The following ADAMTS16 variants were observed in gnomAD, a reference collection of about 807,000 sequenced individuals.
ADAMTS16 encodes the protein ADAM metallopeptidase with thrombospondin type 1 motif 16.
A neutral mutation model predicts 145.8 loss-of-function variants in ADAMTS16; 94 were observed. The ratio of observed to expected loss-of-function variants is 0.64; its 90% CI spans 0.55 to 0.77. ADAMTS16 has a LOEUF of 0.77. ADAMTS16 is among the 30% of genes least tolerant of loss of function. The probability of loss-of-function intolerance (pLI) is 0.00; values close to 1 mark genes in which losing one functional copy is unlikely to be tolerated. For missense variants in ADAMTS16, 1,585 were observed against 1,591.5 expected (o/e 1.00, Z 0.07); for synonymous variants, 659 against 604.3 (o/e 1.09, Z -1.33).
chr5:5,305,333 CCACA>C (rs775222764), intron 20 of ADAMTS16, among the ~76,000 whole-genome samples: 1 of 49,240 alleles, frequency 2.0e-5, no homozygotes, highest in Non-Finnish European at 4.6e-5. Context: ...CACATCCACA[CCACA>C]CACACACACA....
At chr5:5,177,276 T>A (rs1735223573) in intron 3 of ADAMTS16, among the ~76,000 whole-genome samples, 1 of 152,110 alleles carries the variant, frequency 6.6e-6, no homozygotes, top group African/African-American at 2.4e-5. Context: ...GTAGTTTGAG[T>A]CTATACATAA....
chr5:5,258,151 ATGAT>A (rs1737859736), intron 17 of ADAMTS16, among the ~76,000 whole-genome samples: 1 of 152,186 alleles, frequency 6.6e-6, no homozygotes, highest in African/African-American at 2.4e-5. Flanking sequence ...TGACATCGGA[ATGAT>A]TGATTGAATC....
chr5:5,247,602 G>A (rs1050013304), intron 17 of ADAMTS16, among the ~76,000 whole-genome samples: 11 of 152,182 alleles, frequency 7.2e-5, no homozygotes, highest in South Asian at 2.1e-4. Flanking sequence ...CAGGGGTGCC[G>A]GGGTCCCTCC....
chr5:5,260,086 C>T (rs1027742114), intron 17 of ADAMTS16, among the ~76,000 whole-genome samples: 4 of 152,232 alleles, frequency 2.6e-5, no homozygotes, highest in African/African-American at 9.6e-5. Flanking sequence ...CTTTCTGTTG[C>T]CCCAAGGGAT....
intron 9 of ADAMTS16, among the ~76,000 whole-genome samples, chr5:5,204,633 T>G (rs1451705431): frequency 6.6e-6 from 1 of 152,224 alleles, no homozygotes; most frequent in African/African-American, 2.4e-5. Flanking sequence ...ATGTTGCATA[T>G]AATTTATATA....
At chr5:5,220,747 A>G (rs1000031313) in intron 10 of ADAMTS16, among the ~76,000 whole-genome samples, 1 of 152,080 alleles carries the variant, frequency 6.6e-6, no homozygotes, top group African/African-American at 2.4e-5. Flanking sequence ...TGCTGTCCTC[A>G]TGTGCACAGT....
intron 3 of ADAMTS16, among the ~76,000 whole-genome samples, chr5:5,165,614 C>T (rs73036289): frequency 0.024 from 3,623 of 152,162 alleles, 146 homozygotes; most frequent in African/African-American, 0.083. Context: ...ACAGCAAAAC[C>T]GGTAGGAGAA....
At chr5:5,184,365 G>T (rs1170942519) in intron 4 of ADAMTS16, among the ~76,000 whole-genome samples, 3 of 152,014 alleles carry the variant, frequency 2.0e-5, no homozygotes, top group African/African-American at 7.3e-5. Context: ...TGTACCGCAG[G>T]GCCTCGTGTC....
At chr5:5,193,520 A>G (rs1438333082) in intron 8 of ADAMTS16, among the ~76,000 whole-genome samples, 1 of 152,192 alleles carries the variant, frequency 6.6e-6, no homozygotes, top group East Asian at 1.9e-4. Flanking sequence ...GAAATATTTA[A>G]GTCACTGAGG....
chr5:5,234,401 C>T (rs1579329631), intron 12 of ADAMTS16, among the ~76,000 whole-genome samples: 1 of 152,210 alleles, frequency 6.6e-6, no homozygotes, highest in African/African-American at 2.4e-5. Flanking sequence ...CAGCCCCTCC[C>T]TGTGCAGGGT....
intron 3 of ADAMTS16, among the ~76,000 whole-genome samples, chr5:5,154,681 G>T (rs1734559680): frequency 6.6e-6 from 1 of 152,162 alleles, no homozygotes; most frequent in African/African-American, 2.4e-5. Flanking sequence ...TAGGGTGCGT[G>T]TCTTCAGATT....
At chr5:5,178,846 C>T (rs1039555211) in intron 3 of ADAMTS16, among the ~76,000 whole-genome samples, 2 of 151,736 alleles carry the variant, frequency 1.3e-5, no homozygotes, top group African/African-American at 4.8e-5. Context: ...AGGCCAGGAA[C>T]CAGAAAGAGT....
In ADAMTS16 at chr5:5,310,686, A is replaced by C. The variant is rs1370135576; in HGVS notation, c.3411+3958A>C. Among the ~76,000 whole-genome samples, 1 of 152,198 alleles carries C rather than the reference A, an allele frequency of 6.6e-6. No individual in the cohort carries two copies. The highest frequency in any genetic ancestry group is 1.5e-5 in the Non-Finnish European group (1 of 68,026). On this transcript the variant is annotated intron_variant, in intron 21 of 22. Transcript: ENST00000274181. The surrounding 1 kb of genome is among the most constrained non-coding windows in gnomAD (Gnocchi z 4.3). ...AGCACCACCAGATTCTGCACCAGGC[A>C]TGACGGGCCCTCCCTCAACCTCCAG...
At chr5:5,186,333 T>C (rs1031643557) in intron 5 of ADAMTS16, 82 bp downstream of exon 5, 10 of 1,299,580 alleles carry the variant, frequency 7.7e-6, no homozygotes, top group South Asian at 5.0e-5. Context: ...TGTGTGTGTG[T>C]GTTTCCATTT....
At chr5:5,276,162 C>T (rs1343177382) in intron 18 of ADAMTS16, among the ~76,000 whole-genome samples, 1 of 152,186 alleles carries the variant, frequency 6.6e-6, no homozygotes, top group Non-Finnish European at 1.5e-5. Flanking sequence ...CCCGGCCAAA[C>T]CTATCTTTTC....
At position 5,140,700 on chromosome 5, in the gene ADAMTS16, C is replaced by T; in HGVS notation, c.109C>T (p.Pro37Ser). Residue 37 changes from proline (P) to serine (S), a missense_variant, in exon 2 of 23, where the codon CCT becomes TCT. By Grantham distance (74) the Pro-to-Ser change is moderately conservative. Coordinates refer to ENST00000274181, the MANE Select transcript of ADAMTS16 (RefSeq NM_139056.4). ...ACAMGPAAAAPGSPSVPRPPP... is the reference protein window; with the variant it reads ...ACAMGPAAAASGSPSVPRPPP... ...CGCCATGGGACCCGCAGCGGCAGCG[C>T]CTGGGAGCCCGAGCGTCCCGCGTCC... is the stretch of plus-strand genomic sequence containing the variant. 1.3e-6 allele frequency: 2 copies of T among 1,566,404 alleles called. No individual in the cohort carries two copies. The highest frequency in any genetic ancestry group is 1.2e-5 in the South Asian group (1 of 85,576).
chr5:5,191,604 C>A, intron 7 of ADAMTS16, 81 bp from the exon 8 acceptor site: 1 of 1,177,132 alleles, frequency 8.5e-7, no homozygotes, highest in Non-Finnish European at 1.2e-6. Context: ...CTAAATTTCA[C>A]TAAGGGGTAG....
intron 10 of ADAMTS16, among the ~76,000 whole-genome samples, chr5:5,218,061 A>C (rs1261247367): frequency 1.3e-5 from 2 of 152,230 alleles, no homozygotes; most frequent in East Asian, 3.9e-4. Flanking sequence ...TCTTTGTTCC[A>C]AGAAGACTCT....
At chr5:5,145,175 C>T (rs1379698604) in intron 2 of ADAMTS16, among the ~76,000 whole-genome samples, 2 of 152,078 alleles carry the variant, frequency 1.3e-5, no homozygotes, top group Admixed American at 6.6e-5. Flanking sequence ...CTTTCAAATA[C>T]GTCTTTCCCA....
Sources: allele counts gnomAD v4.1 joint callset (sites outside exome capture counted in the v4.1 genomes callset), GRCh38; gene constraint gnomAD v4.1.1; non-coding constraint Gnocchi (gnomAD v3.1); transcripts MANE v1.5; gene names NCBI Gene and HGNC (gene_info 2026-07-23, HGNC 2026-07-21).